Variants in ACSM6 observed in about 807,000 individuals in gnomAD.
ACSM6 encodes the protein acyl-CoA synthetase medium chain family member 6, also known as acyl-coenzyme A synthetase ACSM6, mitochondrial.
A neutral mutation model predicts 51.1 loss-of-function variants in ACSM6; 35 were observed. That is an observed-to-expected ratio of 0.69 (90% CI 0.52 to 0.91). The LOEUF is 0.91. ACSM6 is among the 40% of genes least tolerant of loss of function. ACSM6 has a pLI of 0.00. For synonymous variants in ACSM6, 172 were observed against 207.3 expected (o/e 0.83, Z 1.46); for missense variants, 509 against 584.1 (o/e 0.87, Z 1.32).
chr10:95,213,488 A>G (rs1457706038), intron 7 of ACSM6, among the ~76,000 whole-genome samples: 2 of 152,196 alleles, frequency 1.3e-5, no homozygotes, highest in East Asian at 3.8e-4. Context: ...GTATCTGTTT[A>G]TATCATAGTG....
intron 3 of ACSM6, among the ~76,000 whole-genome samples, chr10:95,204,551 C>G (rs1201841021): frequency 4.6e-5 from 7 of 151,776 alleles, no homozygotes; most frequent in African/African-American, 1.5e-4. Context: ...GAGACTCTGT[C>G]TATTTAAAAA....
chr10:95,207,994 AGC>A (rs966933597), intron 4 of ACSM6, among the ~76,000 whole-genome samples: 1 of 152,060 alleles, frequency 6.6e-6, no homozygotes, highest in African/African-American at 2.4e-5. Context: ...TACAAAAATT[AGC>A]TGGGTGTGGT....
chr10:95,211,556 AC>A (rs1814745453), intron 5 of ACSM6, among the ~76,000 whole-genome samples: 1 of 152,244 alleles, frequency 6.6e-6, no homozygotes, highest in Admixed American at 6.5e-5. Flanking sequence ...GAGAAATAAA[AC>A]AGGGGAAGCT....
chr10:95,199,012 C>T (rs1227271330), intron 2 of ACSM6, among the ~76,000 whole-genome samples: 1 of 112,532 alleles, frequency 8.9e-6, no homozygotes, highest in Non-Finnish European at 2.0e-5. Flanking sequence ...CTTTAAAGTT[C>T]ATATGGAACC....
intron 2 of ACSM6, among the ~76,000 whole-genome samples, chr10:95,198,273 A>C (rs947732290): frequency 6.6e-6 from 1 of 152,132 alleles, no homozygotes; most frequent in African/African-American, 2.4e-5. Context: ...ACCTGATGTG[A>C]TGGGCTGTGG....
At chr10:95,200,345 T>G in intron 2 of ACSM6, among the ~76,000 whole-genome samples, 1 of 75,958 alleles carries the variant, frequency 1.3e-5, no homozygotes, top group Admixed American at 2.0e-4. Context: ...TGGGGACTGT[T>G]GTGGGGTGGG....
At chr10:95,208,140 C>CAA (rs375422959) in intron 4 of ACSM6, among the ~76,000 whole-genome samples, 6 of 128,008 alleles carry the variant, frequency 4.7e-5, no homozygotes, top group African/African-American at 1.7e-4. Context: ...GACTCTGTCT[C>CAA]AAAAAAAAAA....
chr10:95,221,150 T>C (rs2034991314), intron 9 of ACSM6, among the ~76,000 whole-genome samples: 1 of 152,006 alleles, frequency 6.6e-6, no homozygotes, highest in Admixed American at 6.6e-5. Context: ...AAAAAAATCT[T>C]CCTACAAAAT....
chr10:95,208,161 G>T (rs927554945), intron 4 of ACSM6, among the ~76,000 whole-genome samples: 3 of 151,866 alleles, frequency 2.0e-5, no homozygotes, highest in Non-Finnish European at 4.4e-5. Context: ...AAGAAATAAT[G>T]TCTTTTGCAG....
At chr10:95,200,845 G>C (rs1306541460) in intron 2 of ACSM6, among the ~76,000 whole-genome samples, 1 of 150,662 alleles carries the variant, frequency 6.6e-6, no homozygotes, top group Non-Finnish European at 1.5e-5. Context: ...ACAGAAAGGA[G>C]GAAAAAAGGA....
At chr10:95,221,696 A>C (rs896452840) in intron 9 of ACSM6, among the ~76,000 whole-genome samples, 1 of 152,244 alleles carries the variant, frequency 6.6e-6, no homozygotes, top group Non-Finnish European at 1.5e-5. Flanking sequence ...TAAAGAATTA[A>C]AAAGTCAGAA....
chr10:95,197,097 A>C (rs190866516), intron 2 of ACSM6, among the ~76,000 whole-genome samples: 1 of 152,348 alleles, frequency 6.6e-6, no homozygotes, highest in East Asian at 1.9e-4. Context: ...ACTCAATGGC[A>C]TCGTGTGGTA....
chr10:95,220,480 A>G (rs2133390439), intron 9 of ACSM6, among the ~76,000 whole-genome samples: 1 of 152,324 alleles, frequency 6.6e-6, no homozygotes, highest in African/African-American at 2.4e-5. Flanking sequence ...TGCTGTGTCT[A>G]GGATTTTATT....
rs1367384003 is a variant in ACSM6, at chr10:95,223,163, C to CAA, written c.1201-2126_1201-2125insAA. 4.7e-5 allele frequency among the ~76,000 whole-genome samples: 5 copies of CAA among 107,274 alleles called. No individual in the cohort carries two copies. In the Admixed American group the frequency reaches 4.8e-4, roughly 10 times the overall value. 70.4% of individuals were successfully genotyped at this position (107,274 alleles called of 152,430 possible). Reference sequence around the variant, plus strand: ...TCCAAAACACGCACACATACAGACACACACACACACACACACACACACACA... The same window carrying CAA: ...TCCAAAACACGCACACATACAGACACAAACACACACACACACACACACACACA... On this transcript the variant is annotated intron_variant, in intron 9 of 10. Transcript: ENST00000341686.
rs1210112943 is a variant in ACSM6 at position 95,199,165 on chromosome 10, G to A, written c.193-2820G>A. On this transcript the variant is annotated intron_variant, in intron 2 of 10. Coordinates refer to ENST00000341686, the Ensembl canonical transcript of ACSM6. ...TACCAAAACAGAGATATAGATCAAT[G>A]GAACAAAACAGAGCCCTCAGAAATA... Among the ~76,000 whole-genome samples the A allele has an allele frequency of 5.3e-5, 8 of 152,110 alleles. No individual in the cohort carries two copies. In the South Asian group the frequency reaches 8.3e-4, roughly 16 times the overall value.
intron 6 of ACSM6, 121 bp downstream of exon 6, chr10:95,212,155 G>T (rs1402587174): frequency 1.7e-6 from 2 of 1,210,646 alleles, no homozygotes; most frequent in Non-Finnish European, 2.4e-6. Flanking sequence ...ATGTGATCTT[G>T]ACTTGAAGAT....
chr10:95,223,831 A>G (rs1349175321), intron 9 of ACSM6, among the ~76,000 whole-genome samples: 1 of 152,162 alleles, frequency 6.6e-6, no homozygotes, highest in Non-Finnish European at 1.5e-5. Flanking sequence ...AAGAAATAGC[A>G]TCCCAATTGG....
In ACSM6 at chr10:95,207,441, C is replaced by T. The variant is rs1038791718; in HGVS notation, c.611+26C>T. ...GTAAGTGGACACTGAATATGAGATG[C>T]TTAAATGAAGGAAATGTTTGACTTT... On this transcript the variant is annotated intron_variant, in intron 4 of 10. Transcript: ENST00000341686. The T allele has an allele frequency of 6.9e-6, 11 of 1,594,984 alleles. No individual in the cohort carries two copies. The Admixed American group carries it at 1.2e-4, about 17-fold the overall frequency.
chr10:95,216,810 T>C (rs1484841262), intron 8 of ACSM6, among the ~76,000 whole-genome samples: 1 of 152,156 alleles, frequency 6.6e-6, no homozygotes, highest in East Asian at 1.9e-4. Flanking sequence ...GATATAGATG[T>C]GGATGTAGAA....
Sources: allele counts gnomAD v4.1 joint callset (sites outside exome capture counted in the v4.1 genomes callset), GRCh38; gene constraint gnomAD v4.1.1; transcripts MANE v1.5; gene names NCBI Gene and HGNC (gene_info 2026-07-23, HGNC 2026-07-21).